Variants in JPH3 observed in about 807,000 individuals in gnomAD.
The protein encoded by JPH3 is junctophilin 3, also known as junctophilin-3.
JPH3 carries 11 observed loss-of-function variants against 59.6 expected under a neutral mutation model. That is an observed-to-expected ratio of 0.18 (90% confidence interval 0.12 to 0.31). JPH3 has a LOEUF of 0.31. Among genes scored for constraint, JPH3 ranks in the 10% least tolerant of loss-of-function variants. JPH3 has a pLI of 1.00. For missense variants in JPH3, 1,202 were observed against 1,105.7 expected (o/e 1.09, Z -1.24); for synonymous variants, 673 against 483.6 (o/e 1.39, Z -5.14).
At chr16:87,688,751 C>G (rs1359779665) in intron 3 of JPH3, among the ~76,000 whole-genome samples, 17 of 152,172 alleles carry the variant, frequency 1.1e-4, no homozygotes, top group Admixed American at 1.1e-3. Flanking sequence ...TAGGACGCTA[C>G]TTGAGATGAA....
Position 87,659,168 on chromosome 16 carries a change from G to C in JPH3, c.1160+14133G>C, listed in dbSNP as rs1597270205. The stretch of plus-strand genomic sequence containing the variant: ...GCAGGCGGATCACTTGAGGTCAGGA[G>C]TTAGAGACCAGCCTGGCCAACATGG... On this transcript the variant is annotated intron_variant, in intron 2 of 4. Coordinates refer to ENST00000284262, the MANE Select transcript of JPH3 (RefSeq NM_020655.4). 3.3e-5 allele frequency among the ~76,000 whole-genome samples: 5 copies of C among 152,146 alleles called. 1 individual carries two copies. The East Asian group carries it at 9.7e-4, about 29-fold the overall frequency.
chr16:87,691,950 G>C (rs2033594074), intron 4 of JPH3, among the ~76,000 whole-genome samples: 1 of 152,062 alleles, frequency 6.6e-6, no homozygotes, highest in African/African-American at 2.4e-5. Context: ...TGACACTTTT[G>C]GGTGCTTTTA....
chr16:87,617,416 T>C lies in JPH3; in HGVS notation c.382+13888T>C, dbSNP rs73234327. Among the ~76,000 whole-genome samples the C allele has an allele frequency of 5.3e-3, 810 of 152,186 alleles. 7 individuals carry two copies. Among genetic ancestry groups the C allele is most frequent in the African/African-American group, 0.018 (759 of 41,538 alleles). ...CAACTCTCAGGTCCAGGTTTTCCTGTGCACAGATGTCTTCGCTTTCCCCCA... is the reference window on the plus strand; with the variant it reads ...CAACTCTCAGGTCCAGGTTTTCCTGCGCACAGATGTCTTCGCTTTCCCCCA... On this transcript the variant is annotated intron_variant, in intron 1 of 4. Coordinates refer to ENST00000284262, the MANE Select transcript of JPH3 (RefSeq NM_020655.4).
chr16:87,602,067 C>G (rs2030216234), upstream of JPH3: 1 of 152,168 alleles, frequency 6.6e-6, no homozygotes, highest in South Asian at 2.1e-4. Context: ...AGATCCGAGC[C>G]CGGCGGGAGG....
chr16:87,658,128 A>T (rs924845562), intron 2 of JPH3, among the ~76,000 whole-genome samples: 1 of 152,176 alleles, frequency 6.6e-6, no homozygotes, highest in African/African-American at 2.4e-5. Flanking sequence ...CTGTGTGTTA[A>T]TGGGCCCAAC....
At chr16:87,686,838 G>C (rs1412779587) in intron 3 of JPH3, among the ~76,000 whole-genome samples, 2 of 152,212 alleles carry the variant, frequency 1.3e-5, no homozygotes, top group East Asian at 3.9e-4. Flanking sequence ...GGGCCCCTGT[G>C]GGGGCCGCTG....
At chr16:87,674,922 G>T (rs963416809) in intron 2 of JPH3, among the ~76,000 whole-genome samples, 1 of 151,868 alleles carries the variant, frequency 6.6e-6, no homozygotes, top group African/African-American at 2.4e-5. Flanking sequence ...CACCATGCCC[G>T]GCTAATTTTT....
intron 2 of JPH3, among the ~76,000 whole-genome samples, chr16:87,651,570 C>A (rs1247484201): frequency 6.6e-6 from 1 of 152,200 alleles, no homozygotes; most frequent in Non-Finnish European, 1.5e-5. Flanking sequence ...TCATGGACGG[C>A]TTTAGGGGCT....
chr16:87,690,883 T>G (rs1356268120), intron 4 of JPH3, among the ~76,000 whole-genome samples: 1 of 152,236 alleles, frequency 6.6e-6, no homozygotes, highest in Non-Finnish European at 1.5e-5. Flanking sequence ...GGCCGTGAGA[T>G]GACCGCTTGA....
intron 1 of JPH3, among the ~76,000 whole-genome samples, chr16:87,608,568 G>GAA (rs1567580035): frequency 6.6e-6 from 1 of 152,160 alleles, no homozygotes; most frequent in African/African-American, 2.4e-5. Context: ...GAGGAGAGGA[G>GAA]GAGAGAAGAG....
rs1392526173 is a variant in JPH3, at chr16:87,681,593, C to A, written c.1161-2549C>A. Among the ~76,000 whole-genome samples, 20 of 141,248 alleles carry A rather than the reference C, an allele frequency of 1.4e-4. No homozygotes were observed. In the Admixed American group the frequency reaches 1.4e-3, roughly 10 times the overall value. 92.7% of individuals were successfully genotyped at this position (141,248 alleles called of 152,430 possible). On this transcript the variant is annotated intron_variant, in intron 2 of 4. Transcript: ENST00000284262. The stretch of plus-strand genomic sequence containing the variant: ...GATGACAGTTCCGGGAGGTCAGGTG[C>A]GCGCGGTGATGACAGTGCCGGGAGG...
intron 1 of JPH3, among the ~76,000 whole-genome samples, chr16:87,613,806 T>C (rs1240142597): frequency 6.6e-6 from 1 of 152,220 alleles, no homozygotes; most frequent in East Asian, 1.9e-4. Flanking sequence ...TGCTGGGCAT[T>C]TTATCATAGA....
intron 1 of JPH3, among the ~76,000 whole-genome samples, chr16:87,612,567 C>T (rs776771167): frequency 6.6e-5 from 10 of 152,214 alleles, no homozygotes; most frequent in South Asian, 2.1e-4. Flanking sequence ...TGACCCATGC[C>T]GGGGTCCATC....
At chr16:87,669,620 G>T (rs977318732) in intron 2 of JPH3, among the ~76,000 whole-genome samples, 15 of 152,196 alleles carry the variant, frequency 9.9e-5, no homozygotes, top group Non-Finnish European at 2.1e-4. Flanking sequence ...CTGCCCCATG[G>T]TGAGTTTCCA....
chr16:87,647,753 G>T (rs1167136151), intron 2 of JPH3, among the ~76,000 whole-genome samples: 1 of 152,180 alleles, frequency 6.6e-6, no homozygotes, highest in Non-Finnish European at 1.5e-5. Flanking sequence ...ACGTCCATGC[G>T]CACCTGTGGA....
chr16:87,675,834 T>G (rs1385318842), intron 2 of JPH3, among the ~76,000 whole-genome samples: 23 of 152,234 alleles, frequency 1.5e-4, no homozygotes, highest in Admixed American at 1.5e-3. Context: ...ATTCCTCACC[T>G]TTCATACACC....
At position 87,603,100 on chromosome 16, in the gene JPH3, C is replaced by T. The variant is rs1332902282; in HGVS notation, c.-47C>T. 2.0e-5 allele frequency: 33 copies of T among 1,612,920 alleles called. No homozygotes were observed. Among genetic ancestry groups the T allele is most frequent in the Non-Finnish European group, 2.5e-5 (30 of 1,179,586 alleles). ...GCCGCGACTCTGCTGTGTCGATCGC[C>T]TGAGTCCGTTTTCACCGTTTGCGGG... On this transcript the variant is annotated 5_prime_UTR_variant, in exon 1 of 5. Coordinates refer to ENST00000284262, the MANE Select transcript of JPH3 (RefSeq NM_020655.4).
At chr16:87,621,219 G>A (rs907496962) in intron 1 of JPH3, among the ~76,000 whole-genome samples, 4 of 152,220 alleles carry the variant, frequency 2.6e-5, no homozygotes, top group African/African-American at 4.8e-5. Flanking sequence ...CTAACTTCTC[G>A]CCCTGGCAGC....
At chr16:87,679,675 G>T (rs2033236751) in intron 2 of JPH3, among the ~76,000 whole-genome samples, 1 of 152,258 alleles carries the variant, frequency 6.6e-6, no homozygotes, top group Non-Finnish European at 1.5e-5. Context: ...CTCCGTGTGT[G>T]CACGTGTGGG....
Sources: gnomAD v4.1 joint callset for allele counts (sites outside exome capture counted in the v4.1 genomes callset) on GRCh38, gnomAD v4.1.1 for gene constraint, MANE v1.5 for transcripts, NCBI Gene and HGNC (gene_info 2026-07-23, HGNC 2026-07-21) for gene names.